Variants in SYT16 observed in about 807,000 individuals in gnomAD.
The protein encoded by SYT16 is synaptotagmin 16.
A neutral mutation model predicts 61.4 loss-of-function variants in SYT16; 42 were observed. That is an observed-to-expected ratio of 0.68 (90% confidence interval 0.53 to 0.89). The LOEUF (loss-of-function observed/expected upper bound fraction) is 0.89. Among genes scored for constraint, SYT16 ranks in the 40% least tolerant of loss-of-function variants. SYT16 has a pLI of 0.00. For synonymous variants in SYT16, 314 were observed against 302.3 expected, an observed-to-expected ratio of 1.04 and a Z score of -0.40; for missense variants, 804 against 807.3, an observed-to-expected ratio of 1.00 and a Z score of 0.05.
Position 61,873,268 on chromosome 14 carries a change from G to A in SYT16, c.-325+60458G>A, listed in dbSNP as rs188770772. Reference sequence around the variant, plus strand: ...TAATTCTTTCCCCGAAAGAGTTATAGGCTTTTCCCATTATCTGAAGAGAAA... The same window carrying A: ...TAATTCTTTCCCCGAAAGAGTTATAAGCTTTTCCCATTATCTGAAGAGAAA... On this transcript the variant is annotated intron_variant, in intron 1 of 7. Transcript: ENST00000683842. 5.9e-5 allele frequency among the ~76,000 whole-genome samples: 9 copies of A among 152,326 alleles called. No individual in the cohort carries two copies. The East Asian group carries it at 1.7e-3, about 29-fold the overall frequency.
At chr14:61,868,116 T>A (rs1487077659) in intron 1 of SYT16, among the ~76,000 whole-genome samples, 1 of 151,972 alleles carries the variant, frequency 6.6e-6, no homozygotes, top group East Asian at 1.9e-4. Context: ...GTCTAAATTT[T>A]CTTTCCCTAA....
At position 61,978,326 on chromosome 14, in the gene SYT16, A is replaced by G. The variant is rs551236234; in HGVS notation, c.-145+8015A>G. Among the ~76,000 whole-genome samples the G allele has an allele frequency of 2.0e-5, 3 of 152,178 alleles. No individual in the cohort carries two copies. In the East Asian group the frequency reaches 5.8e-4, roughly 29 times the overall value. On this transcript the variant is annotated intron_variant, in intron 2 of 7. Transcript: ENST00000683842. ...TTGGAGGCAAGATTCTCTTTTCTCA[A>G]TTTTCCTCCAGCACTGGTATTCCAC... is the stretch of plus-strand genomic sequence containing the variant.
intron 2 of SYT16, among the ~76,000 whole-genome samples, chr14:61,986,116 C>G (rs567366746): frequency 2.0e-5 from 3 of 151,698 alleles, no homozygotes; most frequent in Non-Finnish European, 4.4e-5. Context: ...TGCCTGATAC[C>G]TATTTTAGTG....
At chr14:61,935,961 T>A (rs2049965277) in intron 1 of SYT16, among the ~76,000 whole-genome samples, 1 of 152,216 alleles carries the variant, frequency 6.6e-6, no homozygotes. Context: ...TTGTAAATGT[T>A]TTAGCTCTGA....
chr14:62,110,672 T>A lies in SYT16; in HGVS notation c.*9965T>A, dbSNP rs2057592260. 6.6e-6 allele frequency: 1 copy of A among 152,100 alleles called. No individual in the cohort carries two copies. Among genetic ancestry groups the A allele is most frequent in the Non-Finnish European group, 1.5e-5 (1 of 67,954 alleles). 9.4% of individuals were successfully genotyped at this position (152,100 alleles called of 1,614,324 possible). Reference sequence around the variant, plus strand: ...AATAAAATATTAGGTTCTAATTTTTTTTTGTTCAAACACTGATCATGTAAC... The same window carrying A: ...AATAAAATATTAGGTTCTAATTTTTATTTGTTCAAACACTGATCATGTAAC... On this transcript the variant is annotated 3_prime_UTR_variant, in exon 8 of 8. Transcript: ENST00000683842.
intron 2 of SYT16, among the ~76,000 whole-genome samples, chr14:61,971,301 A>G (rs2051543666): frequency 6.6e-6 from 1 of 152,218 alleles, no homozygotes; most frequent in African/African-American, 2.4e-5. Flanking sequence ...TCAGAAATTG[A>G]GGAGTGGCTT....
At chr14:62,030,377 G>C (rs2140801190) in intron 3 of SYT16, among the ~76,000 whole-genome samples, 1 of 152,284 alleles carries the variant, frequency 6.6e-6, no homozygotes, top group East Asian at 1.9e-4. Flanking sequence ...TGCAACCATT[G>C]TGATGTTGAT....
chr14:61,973,141 G>A (rs1382917089), intron 2 of SYT16, among the ~76,000 whole-genome samples: 1 of 152,172 alleles, frequency 6.6e-6, no homozygotes, highest in African/African-American at 2.4e-5. Context: ...GGTAACATCA[G>A]AGAGGCAAGA....
chr14:61,826,186 C>T (rs1280445110), intron 1 of SYT16, among the ~76,000 whole-genome samples: 1 of 151,980 alleles, frequency 6.6e-6, no homozygotes, highest in Non-Finnish European at 1.5e-5. Context: ...GGACAGGATG[C>T]CATCCCATCT....
chr14:62,059,694 A>AATTTATATATATG (rs1555378063), intron 3 of SYT16, among the ~76,000 whole-genome samples: 3 of 144,210 alleles, frequency 2.1e-5, no homozygotes, highest in East Asian at 2.0e-4. Flanking sequence ...ATATATATGT[A>AATTTATATATATG]TATATATACA....
chr14:62,098,226 C>T (rs1007840461), intron 7 of SYT16, among the ~76,000 whole-genome samples: 4 of 152,126 alleles, frequency 2.6e-5, no homozygotes, highest in East Asian at 1.9e-4. Flanking sequence ...TTTGACTGGT[C>T]GTTAGGTGGG....
chr14:61,931,562 T>C (rs1182317477), intron 1 of SYT16, among the ~76,000 whole-genome samples: 1 of 152,240 alleles, frequency 6.6e-6, no homozygotes, highest in African/African-American at 2.4e-5. Context: ...TTTTGTATAG[T>C]AGTACAAAAG....
At chr14:61,847,951 T>A (rs757888779) in intron 1 of SYT16, among the ~76,000 whole-genome samples, 4 of 152,276 alleles carry the variant, frequency 2.6e-5, no homozygotes, top group Non-Finnish European at 5.9e-5. Context: ...GATAGGATTC[T>A]GAATTCTTCG....
At chr14:61,911,308 C>T (rs2048924552) in intron 1 of SYT16, among the ~76,000 whole-genome samples, 1 of 152,148 alleles carries the variant, frequency 6.6e-6, no homozygotes, top group African/African-American at 2.4e-5. Context: ...TAGTTTACAG[C>T]CCTTACCTTT....
At chr14:61,986,607 C>G (rs369099204) in intron 2 of SYT16, among the ~76,000 whole-genome samples, 24 of 152,118 alleles carry the variant, frequency 1.6e-4, no homozygotes, top group African/African-American at 5.5e-4. Flanking sequence ...CCTCCTCCCC[C>G]CACCCCACAA....
intron 2 of SYT16, among the ~76,000 whole-genome samples, chr14:61,971,454 T>C (rs916232579): frequency 6.6e-6 from 1 of 152,198 alleles, no homozygotes; most frequent in Non-Finnish European, 1.5e-5. Context: ...ATCAGATCCA[T>C]GTGGAACCCT....
chr14:62,057,698 G>A (rs982671592), intron 3 of SYT16, among the ~76,000 whole-genome samples: 1 of 152,018 alleles, frequency 6.6e-6, no homozygotes, highest in African/African-American at 2.4e-5. Context: ...GTCACCAAGG[G>A]GAGATCCTCT....
At chr14:62,079,229 C>A in intron 5 of SYT16, 1 of 370,968 alleles carries the variant, frequency 2.7e-6, no homozygotes, top group Non-Finnish European at 4.1e-6. Context: ...CCACTTTTAT[C>A]ACTTGAAACT....
rs1217096761 is a variant in SYT16, at chr14:62,110,817, C to T, written c.*10110C>T. On this transcript the variant is annotated 3_prime_UTR_variant, in exon 8 of 8. Transcript: ENST00000683842. ...ATTAAATGGAATAGCTTTTCCTCCC[C>T]TACAAAGTGGATTTGAATACAGTCC... is the stretch of plus-strand genomic sequence containing the variant. 1 of 151,998 alleles carries T rather than the reference C, an allele frequency of 6.6e-6. No individual in the cohort carries two copies. The highest frequency in any genetic ancestry group is 1.5e-5 in the Non-Finnish European group (1 of 67,928). 9.4% of individuals were successfully genotyped at this position (151,998 alleles called of 1,614,324 possible). A position where few individuals can be genotyped will look rare whatever the true frequency, so the allele number is the denominator to read the frequency against.
Sources: gnomAD v4.1 joint callset for allele counts (sites outside exome capture counted in the v4.1 genomes callset) on GRCh38, gnomAD v4.1.1 for gene constraint, MANE v1.5 for transcripts, NCBI Gene and HGNC (gene_info 2026-07-23, HGNC 2026-07-21) for gene names.